Variants in SCN3A observed in about 807,000 individuals in gnomAD.
SCN3A encodes the protein sodium channel protein type 3 subunit alpha.
In SCN3A, 60 loss-of-function variants were observed where a neutral mutation model predicts 187.6. The observed-to-expected ratio is 0.32, with a 90% confidence interval of 0.26 to 0.40. SCN3A has a LOEUF of 0.40. SCN3A is among the 10% of genes least tolerant of loss of function. SCN3A has a pLI of 1.00. For missense variants in SCN3A, 1,601 were observed against 2,428.2 expected, an observed-to-expected ratio of 0.66 and a Z score of 7.16; for synonymous variants, 788 against 829.2, an observed-to-expected ratio of 0.95 and a Z score of 0.85.
chr2:165,148,963 C>T (rs951758787), intron 11 of SCN3A, among the ~76,000 whole-genome samples: 1 of 152,076 alleles, frequency 6.6e-6, no homozygotes, highest in Non-Finnish European at 1.5e-5. Context: ...ATATGAGGTA[C>T]ATAATATACA....
At chr2:165,198,446 C>G (rs187571081) in intron 1 of SCN3A, among the ~76,000 whole-genome samples, 42 of 152,090 alleles carry the variant, frequency 2.8e-4, no homozygotes, top group African/African-American at 9.6e-4. Context: ...AGAAACCTTG[C>G]AATTCCTTGG....
rs767997812 is a variant in SCN3A at position 165,137,870 on chromosome 2, T to C, written c.2391+9A>G. 2 of 1,583,304 alleles carry C rather than the reference T, an allele frequency of 1.3e-6. No individual in the cohort carries two copies. The highest frequency in any genetic ancestry group is 1.7e-6 in the Non-Finnish European group (2 of 1,152,266). ...CCAAAGTAAATAAGTAAACTTCAAATGTACTTACCAGGTTTCCTACAGTCA... is the reference window on the plus strand; with the variant it reads ...CCAAAGTAAATAAGTAAACTTCAAACGTACTTACCAGGTTTCCTACAGTCA... On this transcript the variant is annotated intron_variant, in intron 15 of 27. Coordinates refer to ENST00000283254, the MANE Select transcript of SCN3A (RefSeq NM_006922.4).
intron 21 of SCN3A, among the ~76,000 whole-genome samples, chr2:165,112,014 T>C (rs978867752): frequency 2.6e-5 from 4 of 152,206 alleles, no homozygotes; most frequent in Non-Finnish European, 4.4e-5. Flanking sequence ...GGCACACATA[T>C]GGCAATCATT....
chr2:165,184,399 A>G (rs1218356646), intron 2 of SCN3A, among the ~76,000 whole-genome samples: 1 of 151,166 alleles, frequency 6.6e-6, no homozygotes, highest in Admixed American at 6.6e-5. Flanking sequence ...GATACCATTA[A>G]TATTTCCACT....
chr2:165,101,973 C>A (rs1685627183), intron 21 of SCN3A, among the ~76,000 whole-genome samples: 1 of 152,200 alleles, frequency 6.6e-6, no homozygotes, highest in Non-Finnish European at 1.5e-5. Flanking sequence ...CTATTCATTT[C>A]TGTCTTAGGT....
In SCN3A at chr2:165,129,703, C is replaced by A. The variant is rs916959413; in HGVS notation, c.2922+237G>T. ...TGCCCCCAGGCATTCATAAATACATCTGATTTAATCTTTGCATTAAAGATA... is the reference window on the plus strand; with the variant it reads ...TGCCCCCAGGCATTCATAAATACATATGATTTAATCTTTGCATTAAAGATA... On this transcript the variant is annotated intron_variant, in intron 17 of 27. Transcript: ENST00000283254. Among the ~76,000 whole-genome samples, 42 of 152,114 alleles carry A rather than the reference C, an allele frequency of 2.8e-4. 1 individual carries two copies. The highest frequency in any genetic ancestry group is 1.0e-3 in the African/African-American group (42 of 41,408).
rs867707537 is a variant in SCN3A, at chr2:165,146,374, A to G, written c.1671+365T>C. 8.0e-3 allele frequency among the ~76,000 whole-genome samples: 993 copies of G among 123,938 alleles called. 18 individuals are homozygous for G. Among genetic ancestry groups the G allele is most frequent in the African/African-American group, 0.03 (898 of 30,162 alleles). 81.3% of individuals were successfully genotyped at this position (123,938 alleles called of 152,430 possible). A position where few individuals can be genotyped will look rare whatever the true frequency, so the allele number is the denominator to read the frequency against. ...AAAAGTCTGCTAGTGTAGGTTATAT[A>G]TATATATATGTGTGTGTGTGTGTGT... On this transcript the variant is annotated intron_variant, in intron 12 of 27. Coordinates refer to ENST00000283254, the MANE Select transcript of SCN3A (RefSeq NM_006922.4).
intron 12 of SCN3A, among the ~76,000 whole-genome samples, chr2:165,142,995 G>C (rs1688104614): frequency 6.6e-6 from 1 of 152,044 alleles, no homozygotes; most frequent in Non-Finnish European, 1.5e-5. Flanking sequence ...CAGGTGATCT[G>C]CCCGCCCTGG....
rs752328633 is a variant in SCN3A, at chr2:165,155,802, C to T, written c.1133G>A (p.Arg378Gln). 18 of 1,613,842 alleles carry T rather than the reference C, an allele frequency of 1.1e-5. No homozygotes were observed. The highest frequency in any genetic ancestry group is 3.3e-5 in the Admixed American group (2 of 59,986). Residue 378 changes from arginine (R) to glutamine (Q), a missense_variant, in exon 10 of 28, where the codon CGA (arginine) becomes CAA (glutamine). Coordinates refer to ENST00000283254, the MANE Select transcript of SCN3A (RefSeq NM_006922.4). Reference sequence around the variant, plus strand: ...TTCCCAGTAGTCTTGAGTCATGAGTCGAAATAGAGACAGGAAAGCCCAGCT... The same window carrying T: ...TTCCCAGTAGTCTTGAGTCATGAGTTGAAATAGAGACAGGAAAGCCCAGCT... ...TFSWAFLSLFRLMTQDYWENL... is the reference protein window; with the variant it reads ...TFSWAFLSLFQLMTQDYWENL...
intron 26 of SCN3A, 132 bp downstream of exon 26, chr2:165,094,242 G>A: frequency 1.3e-6 from 1 of 781,396 alleles, no homozygotes; most frequent in Non-Finnish European, 2.3e-6. Context: ...GAATTATGAT[G>A]CAAAATATGA....
At chr2:165,124,866 C>T (rs1197272169) in intron 18 of SCN3A, among the ~76,000 whole-genome samples, 2 of 152,074 alleles carry the variant, frequency 1.3e-5, no homozygotes, top group Non-Finnish European at 2.9e-5. Context: ...CCCAAGATAA[C>T]CTTTCTTATC....
chr2:165,197,428 T>G (rs1692032797), intron 1 of SCN3A, among the ~76,000 whole-genome samples: 1 of 152,076 alleles, frequency 6.6e-6, no homozygotes, highest in Non-Finnish European at 1.5e-5. Flanking sequence ...TCTGATTGAA[T>G]TGGTTGAAGG....
chr2:165,171,986 T>C (rs2105914076), intron 3 of SCN3A, among the ~76,000 whole-genome samples: 2 of 152,280 alleles, frequency 1.3e-5, no homozygotes, highest in South Asian at 4.1e-4. Flanking sequence ...CTTAATAATA[T>C]GTTTCTCTCC....
chr2:165,103,740 AT>A (rs891770997), intron 21 of SCN3A, among the ~76,000 whole-genome samples: 3 of 152,036 alleles, frequency 2.0e-5, no homozygotes, highest in Admixed American at 6.6e-5. Context: ...AACAACAGGA[AT>A]TTTTTTTCCT....
chr2:165,147,988 G>A (rs982751011), intron 11 of SCN3A, among the ~76,000 whole-genome samples: 7 of 152,024 alleles, frequency 4.6e-5, no homozygotes, highest in African/African-American at 1.4e-4. Context: ...ATTAAATTAT[G>A]ACAATATCAG....
intron 1 of SCN3A, among the ~76,000 whole-genome samples, chr2:165,202,607 A>C (rs1692390603): frequency 6.6e-6 from 1 of 152,034 alleles, no homozygotes; most frequent in East Asian, 1.9e-4. Flanking sequence ...ACTCAATGTA[A>C]AATATTAAGT....
chr2:165,163,273 T>G (rs1188929442), intron 7 of SCN3A, among the ~76,000 whole-genome samples: 1 of 152,136 alleles, frequency 6.6e-6, no homozygotes, highest in Non-Finnish European at 1.5e-5. Context: ...TTTTCTCCTT[T>G]GTAAAAGGAG....
chr2:165,180,936 C>T (rs1429442860), intron 2 of SCN3A, among the ~76,000 whole-genome samples: 2 of 152,096 alleles, frequency 1.3e-5, no homozygotes, highest in East Asian at 3.9e-4. Flanking sequence ...GGGGACTTAG[C>T]TATCCATACT....
At chr2:165,106,625 A>G (rs1374165891) in intron 21 of SCN3A, among the ~76,000 whole-genome samples, 1 of 152,220 alleles carries the variant, frequency 6.6e-6, no homozygotes, top group Non-Finnish European at 1.5e-5. Flanking sequence ...GTAACAGTAG[A>G]TGCTGCATAA....
Sources: gnomAD v4.1 joint callset for allele counts (sites outside exome capture counted in the v4.1 genomes callset) on GRCh38, gnomAD v4.1.1 for gene constraint, MANE v1.5 for transcripts, NCBI Gene and HGNC (gene_info 2026-07-23, HGNC 2026-07-21) for gene names.